LYPLAL1: variants seen among roughly 807,000 people sequenced by gnomAD.
LYPLAL1 encodes the protein lysophospholipase like 1.
LYPLAL1 carries 23 observed loss-of-function variants against 19.7 expected under a neutral mutation model. That is an observed-to-expected ratio of 1.17 (90% CI 0.84 to 1.65). The LOEUF is 1.65. Ranked by LOEUF, LYPLAL1 falls within the 40% of genes most tolerant of loss-of-function variation. The probability of loss-of-function intolerance (pLI) is 0.00; values close to 1 mark genes in which losing one functional copy is unlikely to be tolerated. For synonymous variants in LYPLAL1, 119 were observed against 96.3 expected (o/e 1.24, Z -1.38); for missense variants, 355 against 279.4 (o/e 1.27, Z -1.93).
chr1:219,367,585 G>C, the LYPLAL1 span, among the ~76,000 whole-genome samples: 1 of 151,906 alleles, frequency 6.6e-6, no homozygotes, highest in African/African-American at 2.4e-5. Flanking sequence ...CCATCATCGA[G>C]TATTCTCTAG....
chr1:219,390,564 CATAATTTGTCCACAAGCT>C, the LYPLAL1 span, among the ~76,000 whole-genome samples: 1 of 152,154 alleles, frequency 6.6e-6, no homozygotes, highest in Non-Finnish European at 1.5e-5. Flanking sequence ...TTGCCCTTTC[CATAATTTGTCCACAAGCT>C]ATTGTTTGTC....
chr1:219,395,061 T>C, the LYPLAL1 span, among the ~76,000 whole-genome samples: 2 of 152,250 alleles, frequency 1.3e-5, no homozygotes, highest in African/African-American at 4.8e-5. Flanking sequence ...TCTTTGCTAC[T>C]GTGAATAGTG....
chr1:219,210,699 TA>T, intron 4 of LYPLAL1, 52 bp downstream of exon 4: 1 of 1,521,620 alleles, frequency 6.6e-7, no homozygotes, highest in Admixed American at 1.9e-5. Flanking sequence ...ATATACATGT[TA>T]AAACTAAAGC....
chr1:219,395,132 A>G, the LYPLAL1 span, among the ~76,000 whole-genome samples: 1 of 152,230 alleles, frequency 6.6e-6, no homozygotes, highest in Non-Finnish European at 1.5e-5. Context: ...TCCTTTGGGT[A>G]TATACCCAGT....
At chr1:219,369,928 C>T in the LYPLAL1 span, among the ~76,000 whole-genome samples, 59 of 152,262 alleles carry the variant, frequency 3.9e-4, no homozygotes, top group South Asian at 5.2e-3. Context: ...AGGAAATCAC[C>T]TTTGAGTTTG....
the LYPLAL1 span, among the ~76,000 whole-genome samples, chr1:219,351,013 G>A: frequency 6.6e-6 from 1 of 152,008 alleles, no homozygotes; most frequent in South Asian, 2.1e-4. Flanking sequence ...ACAAACCATA[G>A]ATAGAAAACA....
At chr1:219,356,931 G>A in the LYPLAL1 span, among the ~76,000 whole-genome samples, 2 of 152,170 alleles carry the variant, frequency 1.3e-5, no homozygotes, top group African/African-American at 2.4e-5. Flanking sequence ...AATTCTGAAT[G>A]TGGACACATT....
At chr1:219,317,304 T>G in the LYPLAL1 span, among the ~76,000 whole-genome samples, 3 of 152,206 alleles carry the variant, frequency 2.0e-5, no homozygotes, top group Admixed American at 6.5e-5. Context: ...CTTTCACTAT[T>G]TCGTGTTTCA....
the LYPLAL1 span, among the ~76,000 whole-genome samples, chr1:219,304,235 A>G: frequency 2.0e-5 from 3 of 152,228 alleles, no homozygotes; most frequent in Non-Finnish European, 2.9e-5. Context: ...AGGAAATCAT[A>G]TCTTAATATA....
downstream of LYPLAL1, among the ~76,000 whole-genome samples, chr1:219,213,273 T>C (rs1299326448): frequency 6.6e-6 from 1 of 152,044 alleles, no homozygotes; most frequent in Non-Finnish European, 1.5e-5. Flanking sequence ...TTCTGTTCCA[T>C]TGATTTATGT....
At chr1:219,328,300 A>T in the LYPLAL1 span, among the ~76,000 whole-genome samples, 1 of 152,174 alleles carries the variant, frequency 6.6e-6, no homozygotes, top group Admixed American at 6.6e-5. Context: ...TGACTAGGAA[A>T]AATTTCCTAA....
chr1:219,313,509 G>T, the LYPLAL1 span, among the ~76,000 whole-genome samples: 1 of 137,252 alleles, frequency 7.3e-6, no homozygotes, highest in Non-Finnish European at 1.5e-5. Context: ...CGTTTTCAGA[G>T]AGTTTTCTTT....
At chr1:219,176,779 C>G (rs943831819) in intron 1 of LYPLAL1, among the ~76,000 whole-genome samples, 4 of 152,116 alleles carry the variant, frequency 2.6e-5, no homozygotes, top group East Asian at 1.9e-4. Context: ...TTCATAGATT[C>G]TATTTTTGAG....
chr1:219,308,485 G>A, the LYPLAL1 span, among the ~76,000 whole-genome samples: 1 of 152,340 alleles, frequency 6.6e-6, no homozygotes. Context: ...TCCCATCACA[G>A]ACCCAGAGGT....
At chr1:219,264,371 A>G in the LYPLAL1 span, among the ~76,000 whole-genome samples, 1 of 152,214 alleles carries the variant, frequency 6.6e-6, no homozygotes, top group Non-Finnish European at 1.5e-5. Context: ...TCTGTAAAAT[A>G]CTTCATAATC....
At chr1:219,443,699 T>C in the LYPLAL1 span, among the ~76,000 whole-genome samples, 1 of 151,140 alleles carries the variant, frequency 6.6e-6, no homozygotes, top group Admixed American at 6.6e-5. Flanking sequence ...ACCAAACTTC[T>C]AAAGAAAGAC....
chr1:219,423,851 C>G, the LYPLAL1 span, among the ~76,000 whole-genome samples: 5 of 151,832 alleles, frequency 3.3e-5, no homozygotes, highest in East Asian at 1.9e-4. Flanking sequence ...GTCTTTTTCT[C>G]TCTCCCTTCT....
At chr1:219,363,046 C>T in the LYPLAL1 span, among the ~76,000 whole-genome samples, 1 of 151,968 alleles carries the variant, frequency 6.6e-6, no homozygotes, top group African/African-American at 2.4e-5. Flanking sequence ...TACACAATAC[C>T]ACCGTCTTCA....
chr1:219,397,453 C>T, the LYPLAL1 span, among the ~76,000 whole-genome samples: 1 of 152,028 alleles, frequency 6.6e-6, no homozygotes. Context: ...AATTCTTTCT[C>T]CTCAGTTTTT....
Sources: gnomAD v4.1 joint callset for allele counts (sites outside exome capture counted in the v4.1 genomes callset) on GRCh38, gnomAD v4.1.1 for gene constraint, MANE v1.5 for transcripts, NCBI Gene and HGNC (gene_info 2026-07-23, HGNC 2026-07-21) for gene names.